C12orf42: variants seen among roughly 807,000 people sequenced by gnomAD.
C12orf42 encodes chromosome 12 open reading frame 42, also known as uncharacterized protein C12orf42.
In C12orf42, 25 loss-of-function variants were observed where a neutral mutation model predicts 21.6. The ratio of observed to expected loss-of-function variants is 1.16; its 90% CI spans 0.84 to 1.62. The LOEUF is 1.62. Among genes scored for constraint, C12orf42 ranks in the 40% most tolerant of loss-of-function variants. The pLI is 0.00. For synonymous variants in C12orf42, 174 were observed against 175.0 expected (o/e 0.99, Z 0.05); for missense variants, 483 against 459.3 (o/e 1.05, Z -0.47).
At chr12:103,117,922 T>C in the C12orf42 span, among the ~76,000 whole-genome samples, 1 of 152,228 alleles carries the variant, frequency 6.6e-6, no homozygotes, top group Admixed American at 6.5e-5. Flanking sequence ...CAAAGAAAGC[T>C]AAGCATACTT....
intron 4 of C12orf42, among the ~76,000 whole-genome samples, chr12:103,325,353 C>G (rs2040575753): frequency 1.3e-5 from 2 of 152,346 alleles, no homozygotes; most frequent in East Asian, 1.9e-4. Context: ...CTGCTCCGAT[C>G]TGGCATCCAG....
chr12:103,069,356 T>C, the C12orf42 span, among the ~76,000 whole-genome samples: 1 of 152,068 alleles, frequency 6.6e-6, no homozygotes, highest in Non-Finnish European at 1.5e-5. Flanking sequence ...AATAAATGTA[T>C]ATAATACGTT....
At chr12:103,154,936 C>T in the C12orf42 span, among the ~76,000 whole-genome samples, 2 of 152,242 alleles carry the variant, frequency 1.3e-5, no homozygotes, top group South Asian at 4.1e-4. Flanking sequence ...ATAAAATTCA[C>T]CCTCCTCATA....
chr12:103,240,033 C>T (rs2033658295), intron 10 of C12orf42, among the ~76,000 whole-genome samples: 1 of 152,130 alleles, frequency 6.6e-6, no homozygotes, highest in South Asian at 2.1e-4. Flanking sequence ...CAAAAGATAC[C>T]TTATTGGAAT....
chr12:103,442,393 T>C (rs1258432417), intron 2 of C12orf42, among the ~76,000 whole-genome samples: 3 of 152,166 alleles, frequency 2.0e-5, no homozygotes, highest in African/African-American at 2.4e-5. Flanking sequence ...ACAGCACAGA[T>C]GTGCAAGTCA....
downstream of C12orf42, among the ~76,000 whole-genome samples, chr12:103,298,520 G>A (rs1375694021): frequency 6.6e-6 from 1 of 152,118 alleles, no homozygotes; most frequent in African/African-American, 2.4e-5. Flanking sequence ...CGTGAAAATG[G>A]CCATACTGCC....
chr12:103,496,105 C>A (rs776764779), upstream of C12orf42: 1 of 152,492 alleles, frequency 6.6e-6, no homozygotes, highest in Non-Finnish European at 1.5e-5. Flanking sequence ...CACCTCTCAT[C>A]TGACACTGTG....
At chr12:103,500,860 A>C (rs1276803440), upstream of C12orf42, among the ~76,000 whole-genome samples, 1 of 152,266 alleles carries the variant, frequency 6.6e-6, no homozygotes, top group East Asian at 1.9e-4. Context: ...CAGGGTTTCA[A>C]AATTGTGTTC....
chr12:103,557,897 G>C, the C12orf42 span: 1 of 152,310 alleles, frequency 6.6e-6, no homozygotes, highest in African/African-American at 2.4e-5. Context: ...ATTCTGAACT[G>C]TCTGCCAATT....
chr12:103,518,740 C>T, the C12orf42 span, among the ~76,000 whole-genome samples: 12 of 152,214 alleles, frequency 7.9e-5, no homozygotes, highest in Middle Eastern at 3.4e-3. Context: ...TTTTTTAATC[C>T]GTATTTCTTC....
chr12:103,371,288 G>T (rs1354738766), intron 3 of C12orf42, among the ~76,000 whole-genome samples: 2 of 152,096 alleles, frequency 1.3e-5, no homozygotes, highest in African/African-American at 4.8e-5. Context: ...GGAGGGCACT[G>T]GAGTAGGAAC....
chr12:103,128,219 C>T, the C12orf42 span, among the ~76,000 whole-genome samples: 1 of 151,866 alleles, frequency 6.6e-6, no homozygotes, highest in Non-Finnish European at 1.5e-5. Context: ...TTGGTACCTG[C>T]TAAGGAAAGC....
chr12:103,530,638 A>T, the C12orf42 span, among the ~76,000 whole-genome samples: 5 of 151,910 alleles, frequency 3.3e-5, no homozygotes, highest in Non-Finnish European at 7.4e-5. Flanking sequence ...GGGGGGGAAA[A>T]CCCACACCAT....
the C12orf42 span, chr12:103,168,203 A>G: frequency 1.0e-5 from 3 of 297,336 alleles, no homozygotes; most frequent in African/African-American, 1.1e-4. Flanking sequence ...ACACCAATCC[A>G]TCCAACCATA....
chr12:103,322,125 GCACACACACA>G (rs34616179), intron 4 of C12orf42, among the ~76,000 whole-genome samples: 5 of 90,500 alleles, frequency 5.5e-5, no homozygotes, highest in African/African-American at 4.6e-5. Flanking sequence ...GCGCGCGCGC[GCACACACACA>G]CACACACACA....
chr12:103,066,297 T>C, the C12orf42 span, among the ~76,000 whole-genome samples: 7 of 152,064 alleles, frequency 4.6e-5, no homozygotes, highest in East Asian at 3.9e-4. Flanking sequence ...CAAATGGAAG[T>C]GGTATACACG....
chr12:103,147,366 T>C, the C12orf42 span, among the ~76,000 whole-genome samples: 51 of 152,252 alleles, frequency 3.3e-4, no homozygotes, highest in African/African-American at 1.2e-3. Context: ...AGAAAGGTAC[T>C]TTGTAAAATG....
chr12:103,500,769 A>T (rs932269633), upstream of C12orf42, among the ~76,000 whole-genome samples: 7 of 152,208 alleles, frequency 4.6e-5, no homozygotes, highest in Admixed American at 2.6e-4. Context: ...ATTTCTAAGG[A>T]TGTCACTTAG....
chr12:103,379,590 G>C (rs1006847278), intron 3 of C12orf42, among the ~76,000 whole-genome samples: 1 of 152,160 alleles, frequency 6.6e-6, no homozygotes, highest in Non-Finnish European at 1.5e-5. Context: ...TCTCTGTAGC[G>C]ATGGGGTTTG....
Sources: allele counts gnomAD v4.1 joint callset (sites outside exome capture counted in the v4.1 genomes callset), GRCh38; gene constraint gnomAD v4.1.1; transcripts MANE v1.5; gene names NCBI Gene and HGNC (gene_info 2026-07-23, HGNC 2026-07-21).